The following CELF2 variants were observed in gnomAD, a reference collection of about 807,000 sequenced individuals.
The protein encoded by CELF2 is CUG triplet repeat RNA-binding protein 2.
In CELF2, 8 loss-of-function variants were observed where a neutral mutation model predicts 62.6. The ratio of observed to expected loss-of-function variants is 0.13; its 90% CI spans 0.07 to 0.23. The LOEUF (loss-of-function observed/expected upper bound fraction) is 0.23. Ranked by LOEUF, CELF2 falls within the 10% of genes least tolerant of loss-of-function variation. The probability of loss-of-function intolerance (pLI) is 1.00; values close to 1 mark genes in which losing one functional copy is unlikely to be tolerated. For synonymous variants in CELF2, 258 were observed against 250.0 expected (o/e 1.03, Z -0.30); for missense variants, 333 against 671.0 (o/e 0.50, Z 5.56).
intron 1 of CELF2, among the ~76,000 whole-genome samples, chr10:10,910,714 A>AG (rs1554878802): frequency 5.3e-5 from 8 of 150,934 alleles, no homozygotes; most frequent in South Asian, 4.2e-4. Flanking sequence ...AAAAAAAAAA[A>AG]AAAAAGAAAA....
intron 1 of CELF2, among the ~76,000 whole-genome samples, chr10:11,079,740 A>AGC (rs1554822719): frequency 2.6e-5 from 2 of 78,176 alleles, no homozygotes; most frequent in African/African-American, 1.6e-4. Flanking sequence ...GGACTAATAC[A>AGC]GCCCCCCCCC....
rs1449106593 is a variant in CELF2 at position 11,171,009 on chromosome 10, T to A, written c.271+5327T>A. 4.6e-5 allele frequency among the ~76,000 whole-genome samples: 7 copies of A among 152,212 alleles called. No homozygotes were observed. In the East Asian group the frequency reaches 1.3e-3, roughly 29 times the overall value. Reference sequence around the variant, plus strand: ...GAAGGTAGGAACAGCACCTCAGTCCTAACCAAATGTCTTGTTGATCACATT... The same window carrying A: ...GAAGGTAGGAACAGCACCTCAGTCCAAACCAAATGTCTTGTTGATCACATT... On this transcript the variant is annotated intron_variant, in intron 2 of 12. Transcript: ENST00000633077.
chr10:10,976,725 CA>C (rs1415840559), intron 2 of CELF2, among the ~76,000 whole-genome samples: 1 of 152,144 alleles, frequency 6.6e-6, no homozygotes, highest in African/African-American at 2.4e-5. Flanking sequence ...GCTTGCAATT[CA>C]AACCACAGAT....
At chr10:11,259,639 A>G (rs1252450723) in intron 5 of CELF2, among the ~76,000 whole-genome samples, 1 of 152,162 alleles carries the variant, frequency 6.6e-6, no homozygotes, top group Non-Finnish European at 1.5e-5. Context: ...AAGCAAAGCC[A>G]TCCATCGCTG....
chr10:11,043,999 T>G (rs1231600331), intron 1 of CELF2, among the ~76,000 whole-genome samples: 1 of 152,206 alleles, frequency 6.6e-6, no homozygotes, highest in African/African-American at 2.4e-5. Context: ...CCTCTTCAGG[T>G]TGTCTGTGCT....
chr10:10,621,890 A>T, the CELF2 span, among the ~76,000 whole-genome samples: 2 of 152,242 alleles, frequency 1.3e-5, no homozygotes, highest in Non-Finnish European at 2.9e-5. Flanking sequence ...ATATTGCATA[A>T]GTTTCTCTAG....
chr10:10,857,649 G>GTATATATATA (rs779543257), intron 1 of CELF2, among the ~76,000 whole-genome samples: 3,537 of 93,626 alleles, frequency 0.038, 89 homozygotes, highest in Non-Finnish European at 0.046. Flanking sequence ...CATATATATA[G>GTATATATATA]TATATATATA....
chr10:11,083,470 A>AG (rs2074578127), intron 1 of CELF2, among the ~76,000 whole-genome samples: 1 of 152,158 alleles, frequency 6.6e-6, no homozygotes, highest in South Asian at 2.1e-4. Context: ...TCTGTCACGG[A>AG]GGGGTGCCAA....
chr10:10,796,879 A>G, upstream of CELF2: 1 of 985,274 alleles, frequency 1.0e-6, no homozygotes, highest in Non-Finnish European at 1.2e-6. Context: ...TTGAAGTCCC[A>G]GAAAGGCAAT....
chr10:10,970,777 T>C (rs926072370), intron 2 of CELF2: 1 of 152,214 alleles, frequency 6.6e-6, no homozygotes, highest in Non-Finnish European at 1.5e-5. Flanking sequence ...GATTTGGGTT[T>C]GTTCTGACTT....
intron 8 of CELF2, 43 bp from the exon 9 acceptor site, chr10:11,288,375 T>C (rs2091862615): frequency 6.2e-7 from 1 of 1,608,514 alleles, no homozygotes; most frequent in East Asian, 2.2e-5. Context: ...ACTGTAGAAG[T>C]GTGAGGCCTG....
chr10:10,878,365 C>T (rs765169104), intron 1 of CELF2, among the ~76,000 whole-genome samples: 6 of 152,214 alleles, frequency 3.9e-5, no homozygotes, highest in Admixed American at 6.5e-5. Flanking sequence ...CTGTGAGTCT[C>T]TGAGCACAGT....
the CELF2 span, among the ~76,000 whole-genome samples, chr10:10,521,208 C>A: frequency 2.0e-5 from 3 of 152,168 alleles, no homozygotes; most frequent in African/African-American, 7.2e-5. Context: ...TTGTCCCAGA[C>A]TAAAACCAGA....
chr10:10,920,205 A>G lies in CELF2; in HGVS notation c.89+206A>G, dbSNP rs75462262. ...CCAGGAAGTAATGAGGCTCATGTTC[A>G]TAAATGACTTAGATTATTCACATTC... On this transcript the variant is annotated intron_variant, in intron 2 of 13. Coordinates refer to the CELF2 transcript ENST00000636488. Among the ~76,000 whole-genome samples the G allele has an allele frequency of 2.0e-3, 308 of 152,372 alleles. 4 individuals are homozygous for G. Among genetic ancestry groups the G allele is most frequent in the African/African-American group, 7.2e-3 (301 of 41,594 alleles).
At chr10:11,057,305 G>A (rs373787977) in intron 1 of CELF2, among the ~76,000 whole-genome samples, 1 of 152,152 alleles carries the variant, frequency 6.6e-6, no homozygotes, top group African/African-American at 2.4e-5. Flanking sequence ...GGTGGGGGGT[G>A]GTCCAGCCCA....
intron 2 of CELF2, chr10:10,927,347 A>AAAAG (rs2065592473): frequency 3.2e-5 from 1 of 31,732 alleles, no homozygotes; most frequent in Admixed American, 3.1e-4. Flanking sequence ...TAGTGACATT[A>AAAAG]AAAAAAAAAA....
the CELF2 span, among the ~76,000 whole-genome samples, chr10:10,792,967 G>A: frequency 6.6e-6 from 1 of 152,118 alleles, no homozygotes; most frequent in Admixed American, 6.6e-5. Context: ...TTACCCTCCT[G>A]TTCAGCTGAC....
At chr10:10,552,779 T>C in the CELF2 span, among the ~76,000 whole-genome samples, 1 of 152,254 alleles carries the variant, frequency 6.6e-6, no homozygotes, top group African/African-American at 2.4e-5. Flanking sequence ...CTTCATTTAC[T>C]GAGTGTCTTC....
At chr10:11,060,303 C>G (rs1459108119) in intron 1 of CELF2, among the ~76,000 whole-genome samples, 1 of 152,212 alleles carries the variant, frequency 6.6e-6, no homozygotes, top group Non-Finnish European at 1.5e-5. Flanking sequence ...TCTGCGTGCA[C>G]CGTTCCCGGC....
Sources: allele counts gnomAD v4.1 joint callset (sites outside exome capture counted in the v4.1 genomes callset), GRCh38; gene constraint gnomAD v4.1.1; transcripts MANE v1.5; gene names NCBI Gene and HGNC (gene_info 2026-07-23, HGNC 2026-07-21).